PTCHD4: variants seen among roughly 807,000 people sequenced by gnomAD.
PTCHD4 encodes patched domain-containing protein 4.
PTCHD4 carries 33 observed loss-of-function variants against 58.1 expected under a neutral mutation model. The ratio of observed to expected loss-of-function variants is 0.57; its 90% CI spans 0.43 to 0.76. The LOEUF (loss-of-function observed/expected upper bound fraction) is 0.76, where lower values mean the gene tolerates loss of function less well. Ranked by LOEUF, PTCHD4 falls within the 30% of genes least tolerant of loss-of-function variation. The pLI is 0.00. For synonymous variants in PTCHD4, 478 were observed against 409.6 expected, an observed-to-expected ratio of 1.17 and a Z score of -2.02; for missense variants, 1,058 against 1,027.1, an observed-to-expected ratio of 1.03 and a Z score of -0.41.
intron 4 of PTCHD4, among the ~76,000 whole-genome samples, chr6:47,926,096 A>G (rs1765604871): frequency 6.6e-6 from 1 of 152,214 alleles, no homozygotes; most frequent in Admixed American, 6.5e-5. Context: ...GGACACGTGA[A>G]GAACATCCTC....
intron 1 of PTCHD4, among the ~76,000 whole-genome samples, chr6:48,096,146 T>C (rs996291618): frequency 6.6e-6 from 1 of 152,074 alleles, no homozygotes; most frequent in African/African-American, 2.4e-5. Context: ...ACAGTAGAAG[T>C]GCAGAGGAGG....
chr6:47,873,559 C>T lies in PTCHD4; in HGVS notation c.*4744G>A, dbSNP rs1245838572. On this transcript the variant is annotated 3_prime_UTR_variant, in exon 5 of 5. Coordinates refer to ENST00000339488, the MANE Select transcript of PTCHD4 (RefSeq NM_001384253.1). Reference sequence around the variant, plus strand: ...CCCTGCTGGATCTCATGCAGTGTGGCTTTGTTGCTTTCACTTATGATTTTG... The same window carrying T: ...CCCTGCTGGATCTCATGCAGTGTGGTTTTGTTGCTTTCACTTATGATTTTG... 6.6e-6 allele frequency among the ~76,000 whole-genome samples: 1 copy of T among 151,732 alleles called. No individual in the cohort carries two copies. Among genetic ancestry groups the T allele is most frequent in the Non-Finnish European group, 1.5e-5 (1 of 67,818 alleles).
At chr6:47,914,747 TC>T (rs113327051) in intron 4 of PTCHD4, among the ~76,000 whole-genome samples, 1 of 104,058 alleles carries the variant, frequency 9.6e-6, no homozygotes, top group African/African-American at 3.7e-5. Context: ...CTATCTATTA[TC>T]TATCTATCTA....
intron 3 of PTCHD4, among the ~76,000 whole-genome samples, chr6:48,033,245 TAATTAAAG>T (rs1417268620): frequency 6.6e-6 from 1 of 152,116 alleles, no homozygotes; most frequent in Non-Finnish European, 1.5e-5. Flanking sequence ...CGGAATATTA[TAATTAAAG>T]AATTTTTCAC....
chr6:47,998,336 T>C (rs1455994626), intron 4 of PTCHD4, among the ~76,000 whole-genome samples: 1 of 152,180 alleles, frequency 6.6e-6, no homozygotes, highest in Non-Finnish European at 1.5e-5. Context: ...TGATTCACTA[T>C]CTGACTCAAG....
At chr6:48,090,244 TC>T (rs1352215250) in intron 1 of PTCHD4, among the ~76,000 whole-genome samples, 2 of 152,222 alleles carry the variant, frequency 1.3e-5, no homozygotes, top group Non-Finnish European at 2.9e-5. Context: ...ATTATTATAG[TC>T]ACTGCATATC....
chr6:48,074,009 A>G (rs1310885296), intron 1 of PTCHD4, among the ~76,000 whole-genome samples: 1 of 152,086 alleles, frequency 6.6e-6, no homozygotes, highest in Non-Finnish European at 1.5e-5. Context: ...GTCATTTTAC[A>G]TCAGACTTTT....
chr6:48,014,533 C>A (rs1762800297), intron 3 of PTCHD4, among the ~76,000 whole-genome samples: 2 of 152,030 alleles, frequency 1.3e-5, no homozygotes, highest in Admixed American at 1.3e-4. Context: ...ATGGCTAATT[C>A]ATTAGTTCAT....
chr6:47,902,393 A>G (rs1182096317), intron 4 of PTCHD4, among the ~76,000 whole-genome samples: 1 of 152,206 alleles, frequency 6.6e-6, no homozygotes, highest in Non-Finnish European at 1.5e-5. Flanking sequence ...GCACTTTAAA[A>G]TAGGAAATTT....
intron 4 of PTCHD4, among the ~76,000 whole-genome samples, chr6:47,897,291 A>G (rs1352250391): frequency 6.6e-6 from 1 of 152,202 alleles, no homozygotes; most frequent in Non-Finnish European, 1.5e-5. Flanking sequence ...GTTGGCTGCT[A>G]TTCCTCTAAA....
intron 1 of PTCHD4, among the ~76,000 whole-genome samples, chr6:48,097,052 T>A (rs1164613860): frequency 6.6e-6 from 1 of 152,196 alleles, no homozygotes; most frequent in African/African-American, 2.4e-5. Context: ...TAATTATATT[T>A]CTTTGTTACT....
chr6:47,992,238 T>A (rs947700282), intron 4 of PTCHD4, among the ~76,000 whole-genome samples: 27 of 152,242 alleles, frequency 1.8e-4, no homozygotes, highest in African/African-American at 6.0e-4. Flanking sequence ...GCTGATAAAA[T>A]ATTTAATTCA....
chr6:48,087,426 G>A (rs1042326821), intron 1 of PTCHD4, among the ~76,000 whole-genome samples: 1 of 152,084 alleles, frequency 6.6e-6, no homozygotes, highest in African/African-American at 2.4e-5. Context: ...ACTAATATAA[G>A]TTACTAATAA....
chr6:48,081,428 G>A (rs556767164), intron 1 of PTCHD4, among the ~76,000 whole-genome samples: 12 of 152,232 alleles, frequency 7.9e-5, no homozygotes, highest in Middle Eastern at 3.4e-3. Flanking sequence ...CCACCTTCTA[G>A]TGGTGTTACC....
chr6:47,880,631 T>G (rs1283563009), intron 4 of PTCHD4, among the ~76,000 whole-genome samples: 3 of 152,156 alleles, frequency 2.0e-5, no homozygotes, highest in Non-Finnish European at 4.4e-5. Context: ...GAGCTCTGAT[T>G]CACGTGAGAT....
At chr6:48,012,245 C>G (rs1762703709) in intron 3 of PTCHD4, among the ~76,000 whole-genome samples, 1 of 152,040 alleles carries the variant, frequency 6.6e-6, no homozygotes, top group African/African-American at 2.4e-5. Flanking sequence ...CTCTTATTTC[C>G]TCGAGTGGTG....
In PTCHD4 at chr6:47,863,871, T is replaced by C. The variant is rs1276773590; in HGVS notation, c.*14432A>G. ...CCCTTCAAGAGTTTAAAAAGTCTTCTAGATGAGTTCTACCAACAGGTAGAC... is the reference window on the plus strand; with the variant it reads ...CCCTTCAAGAGTTTAAAAAGTCTTCCAGATGAGTTCTACCAACAGGTAGAC... On this transcript the variant is annotated 3_prime_UTR_variant, in exon 5 of 5. Transcript: ENST00000339488. Among the ~76,000 whole-genome samples the C allele has an allele frequency of 6.6e-6, 1 of 152,006 alleles. No homozygotes were observed. Among genetic ancestry groups the C allele is most frequent in the Non-Finnish European group, 1.5e-5 (1 of 67,940 alleles).
intron 4 of PTCHD4, among the ~76,000 whole-genome samples, chr6:47,939,053 C>A (rs190737174): frequency 3.8e-4 from 58 of 152,116 alleles, no homozygotes; most frequent in African/African-American, 1.3e-3. Flanking sequence ...ATGGGGAAGG[C>A]ATAGGTTATG....
At chr6:47,893,288 C>T (rs1006454879) in intron 4 of PTCHD4, among the ~76,000 whole-genome samples, 7 of 152,230 alleles carry the variant, frequency 4.6e-5, no homozygotes, top group East Asian at 1.9e-4. Flanking sequence ...GGATTACAGG[C>T]GCGAGCCACA....
Sources: allele counts gnomAD v4.1 joint callset (sites outside exome capture counted in the v4.1 genomes callset), GRCh38; gene constraint gnomAD v4.1.1; transcripts MANE v1.5; gene names NCBI Gene and HGNC (gene_info 2026-07-23, HGNC 2026-07-21).